Variants in SUCO observed in about 807,000 individuals in gnomAD.
SUCO encodes the protein SUN domain containing ossification factor, also known as SUN domain-containing ossification factor.
In SUCO, 57 loss-of-function variants were observed where a neutral mutation model predicts 148.1. The ratio of observed to expected loss-of-function variants is 0.38; its 90% CI spans 0.31 to 0.48. The LOEUF is 0.48. Ranked by LOEUF, SUCO falls within the 20% of genes least tolerant of loss-of-function variation. The probability of loss-of-function intolerance (pLI) is 0.96; values close to 1 mark genes in which losing one functional copy is unlikely to be tolerated. For missense variants in SUCO, 1,331 were observed against 1,468.2 expected (o/e 0.91, Z 1.53); for synonymous variants, 470 against 502.7 (o/e 0.93, Z 0.87).
chr1:172,596,449 G>A (rs75568575), intron 19 of SUCO, among the ~76,000 whole-genome samples: 116 of 152,180 alleles, frequency 7.6e-4, no homozygotes, highest in Non-Finnish European at 1.2e-3. Context: ...TGATGGTAAC[G>A]TACAGATGGG....
chr1:172,562,327 ATT>A (rs34871543), intron 6 of SUCO, among the ~76,000 whole-genome samples: 25 of 137,650 alleles, frequency 1.8e-4, no homozygotes, highest in Admixed American at 2.2e-4. Flanking sequence ...GGGTTTTAAC[ATT>A]TTTTTTTTTT....
At chr1:172,582,041 C>G (rs1655915848) in intron 15 of SUCO, among the ~76,000 whole-genome samples, 1 of 152,116 alleles carries the variant, frequency 6.6e-6, no homozygotes, top group Non-Finnish European at 1.5e-5. Context: ...AAGATTTCTC[C>G]ATATCACTCT....
chr1:172,556,354 T>G (rs1267417218), intron 4 of SUCO, among the ~76,000 whole-genome samples: 1 of 152,198 alleles, frequency 6.6e-6, no homozygotes, highest in Non-Finnish European at 1.5e-5. Context: ...TCAACTCAAA[T>G]GTCAGGTTAT....
At chr1:172,557,072 G>A (rs1457983682) in intron 4 of SUCO, 5 of 976,654 alleles carry the variant, frequency 5.1e-6, no homozygotes, top group African/African-American at 3.5e-5. Context: ...TCTTATTTTT[G>A]AAAGACCAAA....
In SUCO at chr1:172,552,694, A is replaced by T. The variant is rs529172527; in HGVS notation, c.178-566A>T. The T allele has an allele frequency of 5.5e-4, 506 of 926,668 alleles. 1 individual carries two copies. Among genetic ancestry groups the T allele is most frequent in the Non-Finnish European group, 6.3e-4 (489 of 776,224 alleles). The allele number at this position is 926,668 out of a possible 1,614,324, so 57.4% of individuals were successfully genotyped here. On this transcript the variant is annotated intron_variant, in intron 2 of 23. Coordinates refer to ENST00000263688, the MANE Select transcript of SUCO (RefSeq NM_014283.5). ...TATATTTTCACCCACACAGTATATA[A>T]GATTTTGATTTAATCCCCCTTTTGA...
chr1:172,600,044 A>T lies in SUCO; in HGVS notation c.2914-20A>T. 2 of 1,531,614 alleles carry T rather than the reference A, an allele frequency of 1.3e-6. No individual in the cohort carries two copies. Among genetic ancestry groups the T allele is most frequent in the Non-Finnish European group, 1.8e-6 (2 of 1,138,296 alleles). 94.9% of individuals were successfully genotyped at this position (1,531,614 alleles called of 1,614,324 possible). A position where few individuals can be genotyped will look rare whatever the true frequency, so the allele number is the denominator to read the frequency against. On this transcript the variant is annotated intron_variant, in intron 19 of 23. Coordinates refer to ENST00000263688, the MANE Select transcript of SUCO (RefSeq NM_014283.5). ...AGTTTGTAGTTAATATTCAAAAAAA[A>T]ATAAATTCCTTTATCATAGGATCAG...
chr1:172,571,499 A>G (rs1654981459), intron 9 of SUCO, among the ~76,000 whole-genome samples: 1 of 151,150 alleles, frequency 6.6e-6, no homozygotes, highest in Admixed American at 6.6e-5. Context: ...GGAAGTGAGG[A>G]GAGTCTCTGC....
upstream of SUCO, chr1:172,532,458 G>A (rs762288694): frequency 1.4e-5 from 23 of 1,594,242 alleles, no homozygotes; most frequent in East Asian, 1.3e-4. Flanking sequence ...AAGGTTTTCC[G>A]CTGCAACCAA....
Position 172,570,098 on chromosome 1 carries a change from T to C in SUCO, c.908T>C (p.Val303Ala). The change falls in exon 8 of 24, where the codon GTC becomes GCC. Residue 303 changes from valine to alanine, a missense_variant. Val to Ala is a moderately conservative substitution (Grantham distance 64). This residue lies in a region of SUCO where 992 missense variants were observed against 1,093.5 expected (regional missense o/e 0.91). Coordinates refer to ENST00000263688, the MANE Select transcript of SUCO (RefSeq NM_014283.5). The part of the protein sequence containing the change: ...SNGGSHATKK[V>A]QKNRNNYASV... ...GGAGGTTCACATGCCACCAAAAAGG[T>C]CCAGAAAAATCGAAATAATTATGCC... 1 of 1,594,250 alleles carries C rather than the reference T, an allele frequency of 6.3e-7. No individual in the cohort carries two copies.
chr1:172,533,629 A>G, intron 1 of SUCO, 132 bp downstream of exon 1: 1 of 1,157,326 alleles, frequency 8.6e-7, no homozygotes, highest in Non-Finnish European at 1.2e-6. Context: ...GGACAAACCG[A>G]TTACTTCTCG....
At chr1:172,591,265 ATTTG>A (rs1013340768) in intron 19 of SUCO, among the ~76,000 whole-genome samples, 194 bp downstream of exon 19, 13 of 151,728 alleles carry the variant, frequency 8.6e-5, no homozygotes, top group Non-Finnish European at 1.5e-4. Flanking sequence ...GTAGAGAAAG[ATTTG>A]TTTAATTTTT....
At chr1:172,576,035 G>T (rs548052859) in intron 11 of SUCO, among the ~76,000 whole-genome samples, 1 of 151,762 alleles carries the variant, frequency 6.6e-6, no homozygotes, top group African/African-American at 2.4e-5. Flanking sequence ...CACTTATTTG[G>T]CATTGTTACA....
At chr1:172,552,105 T>G (rs1444217061) in intron 2 of SUCO, 1 of 151,904 alleles carries the variant, frequency 6.6e-6, no homozygotes, top group Non-Finnish European at 1.5e-5. Context: ...AAATGGAGAG[T>G]ATTGACTTGA....
intron 14 of SUCO, 154 bp downstream of exon 14, chr1:172,578,543 A>G (rs1426480069): frequency 1.0e-6 from 1 of 974,058 alleles, no homozygotes; most frequent in African/African-American, 1.8e-5. Flanking sequence ...TTTTACTTAA[A>G]TCTGTTTTCT....
chr1:172,598,024 A>T (rs1657249240), intron 19 of SUCO, among the ~76,000 whole-genome samples: 1 of 152,214 alleles, frequency 6.6e-6, no homozygotes, highest in Non-Finnish European at 1.5e-5. Flanking sequence ...AAAATCACAA[A>T]GATTTTTTCC....
At position 172,533,453 on chromosome 1, in the gene SUCO, G is replaced by A; in HGVS notation, c.18G>A (p.Arg6=). Residue 6 remains arginine, a synonymous_variant, in exon 1 of 24, where the codon CGG becomes CGA. Transcript: ENST00000263688. ...AGGAGAAGATGAAGAAGCACCGGCG[G>A]GCCTTGGCCCTGGTCTCCTGCCTCT... is the stretch of plus-strand genomic sequence containing the variant. MKKHR[R]ALALVSCLFL... The A allele has an allele frequency of 1.3e-6, 2 of 1,566,150 alleles. No homozygotes were observed. Among genetic ancestry groups the A allele is most frequent in the South Asian group, 2.3e-5 (2 of 85,150 alleles).
At chr1:172,532,587 C>A, upstream of SUCO, 2 of 1,614,010 alleles carry the variant, frequency 1.2e-6, no homozygotes, top group Non-Finnish European at 1.7e-6. Flanking sequence ...ACACACACGT[C>A]ATTCTAGGCC....
intron 19 of SUCO, among the ~76,000 whole-genome samples, chr1:172,593,937 T>G (rs12735855): frequency 6.6e-6 from 1 of 152,210 alleles, no homozygotes; most frequent in East Asian, 1.9e-4. Flanking sequence ...CTATTAATTA[T>G]TGCCTCAATT....
intron 1 of SUCO, among the ~76,000 whole-genome samples, chr1:172,549,562 A>C (rs993932771): frequency 6.6e-6 from 1 of 151,952 alleles, no homozygotes; most frequent in Non-Finnish European, 1.5e-5. Context: ...TTTTTTTCTC[A>C]ATCACTTTCA....
Sources: allele counts gnomAD v4.1 joint callset (sites outside exome capture counted in the v4.1 genomes callset), GRCh38; gene constraint gnomAD v4.1.1; regional missense constraint gnomAD v4.1.1; transcripts MANE v1.5; gene names NCBI Gene and HGNC (gene_info 2026-07-23, HGNC 2026-07-21).